Variants in FBXO36 observed in about 807,000 individuals in gnomAD.
FBXO36 encodes F-box protein 36.
A neutral mutation model predicts 17.0 loss-of-function variants in FBXO36; 18 were observed. The ratio of observed to expected loss-of-function variants is 1.06; its 90% CI spans 0.73 to 1.57. FBXO36 has a LOEUF of 1.57. Ranked by LOEUF, FBXO36 falls within the 40% of genes most tolerant of loss-of-function variation. The probability of loss-of-function intolerance (pLI) is 0.00; values close to 1 mark genes in which losing one functional copy is unlikely to be tolerated. For missense variants in FBXO36, 229 were observed against 221.9 expected (o/e 1.03, Z -0.20); for synonymous variants, 83 against 85.3 (o/e 0.97, Z 0.15).
intron 3 of FBXO36, among the ~76,000 whole-genome samples, chr2:230,006,421 T>A (rs995053888): frequency 6.6e-6 from 1 of 152,100 alleles, no homozygotes; most frequent in Non-Finnish European, 1.5e-5. Flanking sequence ...AAGCTAAAAC[T>A]CAGCAAGTCT....
intron 1 of FBXO36, among the ~76,000 whole-genome samples, chr2:229,948,919 C>T (rs928262148): frequency 1.3e-5 from 2 of 152,142 alleles, no homozygotes; most frequent in African/African-American, 4.8e-5. Flanking sequence ...CTGCAGCCTT[C>T]GCCTCCCGAG....
intron 1 of FBXO36, among the ~76,000 whole-genome samples, chr2:229,958,752 C>G (rs963583889): frequency 6.6e-6 from 1 of 152,144 alleles, no homozygotes; most frequent in East Asian, 1.9e-4. Context: ...TGAGCTTCTT[C>G]CCATAAAGCT....
intron 1 of FBXO36, among the ~76,000 whole-genome samples, chr2:229,964,081 T>C (rs2077138574): frequency 6.6e-6 from 1 of 152,184 alleles, no homozygotes; most frequent in Non-Finnish European, 1.5e-5. Flanking sequence ...TTTGTTGATA[T>C]TTTTCTCTCT....
At chr2:230,008,800 G>A (rs1272270639) in intron 3 of FBXO36, among the ~76,000 whole-genome samples, 2 of 152,152 alleles carry the variant, frequency 1.3e-5, no homozygotes, top group Non-Finnish European at 2.9e-5. Context: ...TTTAGAATAG[G>A]TTGTAATCTG....
intron 1 of FBXO36, among the ~76,000 whole-genome samples, chr2:229,974,044 C>T (rs958985180): frequency 7.9e-5 from 12 of 152,108 alleles, no homozygotes; most frequent in African/African-American, 2.7e-4. Flanking sequence ...AACAAGACCC[C>T]GTTTCAAAAA....
intron 1 of FBXO36, among the ~76,000 whole-genome samples, chr2:229,952,868 C>T (rs2077064478): frequency 6.6e-6 from 1 of 152,164 alleles, no homozygotes; most frequent in African/African-American, 2.4e-5. Context: ...TAGATCATGA[C>T]ATGGAGAACT....
chr2:229,962,435 ATCC>A (rs1172914055), intron 1 of FBXO36, among the ~76,000 whole-genome samples: 3 of 151,614 alleles, frequency 2.0e-5, no homozygotes, highest in African/African-American at 7.3e-5. Context: ...GACTAACGCA[ATCC>A]TCCTATTTCT....
intron 2 of FBXO36, among the ~76,000 whole-genome samples, chr2:229,979,038 G>A (rs752162817): frequency 2.0e-5 from 3 of 151,784 alleles, no homozygotes; most frequent in African/African-American, 4.8e-5. Flanking sequence ...TTAGCCGGGC[G>A]TGGGGGCAGG....
Position 229,998,642 on chromosome 2 carries a change from A to C in FBXO36, c.378+1719A>C, listed in dbSNP as rs188887571. On this transcript the variant is annotated intron_variant, in intron 3 of 3. Transcript: ENST00000283946. ...AGTCTCAGAAAAAAAAAAAAAAAGA[A>C]TTTCTGAGTGTCATGGCATGCCCCT... Among the ~76,000 whole-genome samples the C allele has an allele frequency of 6.1e-4, 91 of 148,992 alleles. 1 individual carries two copies. Among genetic ancestry groups the C allele is most frequent in the African/African-American group, 2.0e-3 (83 of 41,120 alleles).
chr2:229,962,402 C>T (rs1381001790), intron 1 of FBXO36, among the ~76,000 whole-genome samples: 1 of 151,764 alleles, frequency 6.6e-6, no homozygotes, highest in Non-Finnish European at 1.5e-5. Context: ...GTATTCATAG[C>T]TCACTGCAGC....
At chr2:229,947,548 C>A (rs1448426419) in intron 1 of FBXO36, among the ~76,000 whole-genome samples, 3 of 152,204 alleles carry the variant, frequency 2.0e-5, no homozygotes, top group African/African-American at 7.2e-5. Context: ...AGTAAGCAGC[C>A]TTTGGCTGCT....
chr2:229,930,964 A>G (rs571387967), intron 1 of FBXO36, among the ~76,000 whole-genome samples: 43 of 152,280 alleles, frequency 2.8e-4, no homozygotes, highest in Admixed American at 9.8e-4. Context: ...AATAAACTGC[A>G]TTATTCTTCT....
chr2:229,976,440 G>A (rs995260356), intron 2 of FBXO36, 91 bp downstream of exon 2: 1 of 856,890 alleles, frequency 1.2e-6, no homozygotes, highest in Non-Finnish European at 1.9e-6. Context: ...ATTTTCACTT[G>A]AAATATTGAT....
chr2:229,974,714 A>G (rs572203927), intron 1 of FBXO36, among the ~76,000 whole-genome samples: 1 of 152,298 alleles, frequency 6.6e-6, no homozygotes, highest in African/African-American at 2.4e-5. Flanking sequence ...ACTGACTGTC[A>G]TTATAACATA....
At chr2:229,974,172 G>A (rs2077195721) in intron 1 of FBXO36, among the ~76,000 whole-genome samples, 1 of 152,166 alleles carries the variant, frequency 6.6e-6, no homozygotes, top group African/African-American at 2.4e-5. Flanking sequence ...GTACTGCTCT[G>A]TAGAGTGGTC....
At chr2:229,956,235 G>T (rs1026449822) in intron 1 of FBXO36, among the ~76,000 whole-genome samples, 1 of 152,172 alleles carries the variant, frequency 6.6e-6, no homozygotes, top group Admixed American at 6.5e-5. Flanking sequence ...GTGTTGGCAG[G>T]TTTGGCTTCT....
At chr2:229,983,987 G>A (rs1056171857) in intron 2 of FBXO36, among the ~76,000 whole-genome samples, 3 of 152,162 alleles carry the variant, frequency 2.0e-5, no homozygotes, top group South Asian at 2.1e-4. Context: ...CCCTTCCCCA[G>A]AGACGACCAT....
chr2:229,960,555 G>A (rs1010181907), intron 1 of FBXO36, among the ~76,000 whole-genome samples: 3 of 151,788 alleles, frequency 2.0e-5, no homozygotes, highest in Admixed American at 6.6e-5. Context: ...CACTGGTGCC[G>A]TCATAGCTCA....
intron 1 of FBXO36, among the ~76,000 whole-genome samples, chr2:229,952,500 C>T (rs2077062147): frequency 1.3e-5 from 2 of 152,188 alleles, no homozygotes; most frequent in Admixed American, 1.3e-4. Context: ...TCCCATGAGG[C>T]ATCCTCAGCT....
Sources: gnomAD v4.1 joint callset for allele counts (sites outside exome capture counted in the v4.1 genomes callset) on GRCh38, gnomAD v4.1.1 for gene constraint, MANE v1.5 for transcripts, NCBI Gene and HGNC (gene_info 2026-07-23, HGNC 2026-07-21) for gene names.